CDKAL1: variants seen among roughly 807,000 people sequenced by gnomAD.
CDKAL1 encodes threonylcarbamoyladenosine tRNA methylthiotransferase.
CDKAL1 carries 32 observed loss-of-function variants against 68.2 expected under a neutral mutation model. The ratio of observed to expected loss-of-function variants is 0.47; its 90% confidence interval spans 0.35 to 0.63. The LOEUF (loss-of-function observed/expected upper bound fraction) is 0.63, where lower values mean the gene tolerates loss of function less well. CDKAL1 is among the 30% of genes least tolerant of loss of function. CDKAL1 has a pLI of 0.00. For missense variants in CDKAL1, 606 were observed against 696.7 expected (o/e 0.87, Z 1.47); for synonymous variants, 234 against 244.3 (o/e 0.96, Z 0.39).
chr6:21,150,449 G>A (rs990822571), intron 13 of CDKAL1, among the ~76,000 whole-genome samples: 1 of 152,118 alleles, frequency 6.6e-6, no homozygotes, highest in Admixed American at 6.5e-5. Context: ...GTGTAGTTAT[G>A]AAGTTTGTTG....
At chr6:20,588,639 T>C (rs1022164614) in intron 4 of CDKAL1, among the ~76,000 whole-genome samples, 1 of 152,214 alleles carries the variant, frequency 6.6e-6, no homozygotes, top group African/African-American at 2.4e-5. Flanking sequence ...CTTTTTCCTT[T>C]TTGCTTAGGT....
chr6:20,886,140 A>G (rs1276030684), intron 9 of CDKAL1, among the ~76,000 whole-genome samples: 3 of 152,220 alleles, frequency 2.0e-5, no homozygotes, highest in Non-Finnish European at 2.9e-5. Context: ...AAGCACATGA[A>G]AAGATGCTGA....
chr6:20,854,145 G>A (rs763572807), intron 9 of CDKAL1, among the ~76,000 whole-genome samples: 53 of 152,278 alleles, frequency 3.5e-4, no homozygotes, highest in Middle Eastern at 3.4e-3. Flanking sequence ...TAGCAAGTTG[G>A]ACTAATGAAA....
chr6:21,173,259 G>A (rs947909529), intron 13 of CDKAL1, among the ~76,000 whole-genome samples: 1 of 151,822 alleles, frequency 6.6e-6, no homozygotes. Flanking sequence ...GGATGTTGTT[G>A]GAGTTGTTCC....
chr6:21,000,184 A>C, intron 10 of CDKAL1, 43 bp from the exon 11 acceptor site: 1 of 1,549,698 alleles, frequency 6.5e-7, no homozygotes, highest in Non-Finnish European at 8.9e-7. Context: ...CCATTCCACA[A>C]TTTGTTAAAA....
chr6:20,741,137 G>T (rs545628425), intron 6 of CDKAL1, among the ~76,000 whole-genome samples: 34 of 152,134 alleles, frequency 2.2e-4, no homozygotes, highest in African/African-American at 7.9e-4. Flanking sequence ...AGGATGTACA[G>T]GAGATTCTCC....
At chr6:21,058,021 A>G (rs1207402822) in intron 11 of CDKAL1, among the ~76,000 whole-genome samples, 4 of 152,256 alleles carry the variant, frequency 2.6e-5, no homozygotes, top group Non-Finnish European at 4.4e-5. Context: ...GTAGATATCC[A>G]TCAGGTCCAG....
At chr6:21,204,823 T>A (rs1188296945) in intron 15 of CDKAL1, among the ~76,000 whole-genome samples, 2 of 152,244 alleles carry the variant, frequency 1.3e-5, no homozygotes, top group African/African-American at 4.8e-5. Flanking sequence ...AAATTTCCTG[T>A]CTTACTCATT....
At chr6:20,560,095 T>A (rs1764209752) in intron 4 of CDKAL1, among the ~76,000 whole-genome samples, 2 of 152,172 alleles carry the variant, frequency 1.3e-5, no homozygotes, top group Non-Finnish European at 2.9e-5. Flanking sequence ...ACATGATGTA[T>A]TTTTAGCTAT....
At chr6:20,842,720 A>G (rs1581684242) in intron 8 of CDKAL1, among the ~76,000 whole-genome samples, 1 of 152,100 alleles carries the variant, frequency 6.6e-6, no homozygotes, top group East Asian at 1.9e-4. Context: ...AGTCCCAGCT[A>G]CTCGGGAGCC....
At chr6:20,737,257 C>T (rs1462585061) in intron 5 of CDKAL1, among the ~76,000 whole-genome samples, 1 of 152,116 alleles carries the variant, frequency 6.6e-6, no homozygotes, top group African/African-American at 2.4e-5. Flanking sequence ...TTTTTGACTT[C>T]GTGGTATGTT....
At chr6:20,996,138 C>T (rs1347537251) in intron 10 of CDKAL1, among the ~76,000 whole-genome samples, 6 of 152,222 alleles carry the variant, frequency 3.9e-5, no homozygotes, top group East Asian at 1.9e-4. Context: ...GAGTTAGGGC[C>T]TTGCTCTGGA....
chr6:20,987,726 G>T (rs1032483279), intron 10 of CDKAL1, among the ~76,000 whole-genome samples: 22 of 152,094 alleles, frequency 1.4e-4, no homozygotes, highest in African/African-American at 4.8e-4. Context: ...GCTATGACAA[G>T]ATTGGGTTCT....
intron 8 of CDKAL1, chr6:20,799,662 T>G (rs537922938): frequency 6.6e-6 from 1 of 152,264 alleles, no homozygotes; most frequent in South Asian, 2.1e-4. Context: ...TCAGTAGTAT[T>G]GTATTGCTAC....
In CDKAL1 at chr6:21,102,402, G is replaced by A. The variant is rs147216989; in HGVS notation, c.1237-5999G>A. ...TAAACATCAGACCTGCCTTAGCGTCGTCCACATCCTTGGTAGTTAACACCT... is the reference window on the plus strand; with the variant it reads ...TAAACATCAGACCTGCCTTAGCGTCATCCACATCCTTGGTAGTTAACACCT... On this transcript the variant is annotated intron_variant, in intron 12 of 15. Coordinates refer to ENST00000274695, the MANE Select transcript of CDKAL1 (RefSeq NM_017774.3). Among the ~76,000 whole-genome samples the A allele has an allele frequency of 2.7e-3, 407 of 152,190 alleles. 2 individuals are homozygous for A. Among genetic ancestry groups the A allele is most frequent in the Non-Finnish European group, 4.0e-3 (273 of 68,024 alleles).
intron 5 of CDKAL1, among the ~76,000 whole-genome samples, chr6:20,714,676 T>C (rs1772008755): frequency 6.6e-6 from 1 of 152,166 alleles, no homozygotes; most frequent in Admixed American, 6.6e-5. Context: ...CTTTTTTCAC[T>C]GAAATGAAAA....
chr6:20,928,038 A>T (rs1220094513), intron 9 of CDKAL1, among the ~76,000 whole-genome samples: 1 of 152,180 alleles, frequency 6.6e-6, no homozygotes, highest in East Asian at 1.9e-4. Flanking sequence ...GAAAAATCTT[A>T]TGTAGCTTTA....
At chr6:21,102,071 A>G (rs554945288) in intron 12 of CDKAL1, among the ~76,000 whole-genome samples, 26 of 152,232 alleles carry the variant, frequency 1.7e-4, no homozygotes, top group African/African-American at 6.3e-4. Flanking sequence ...AAATTTGATC[A>G]TTCGTCACTG....
In CDKAL1 at chr6:20,955,551, T is replaced by C; in HGVS notation, c.875T>C (p.Met292Thr). Residue 292 changes from methionine to threonine, a missense_variant, in exon 10 of 16, where the codon ATG becomes ACG. Physicochemically the swap from Met to Thr is moderately conservative, Grantham distance 81 (BLOSUM62 -1). Transcript: ENST00000274695. ...IPEGAMLRLG[M>T]TNPPYILEHL... is the part of the protein sequence containing the mutation. ...GAGGGAGCAATGCTGAGGCTTGGCA[T>C]GACAAATCCGCCCTATATTTTAGAG... is the stretch of plus-strand genomic sequence containing the variant. 1 of 1,614,106 alleles carries C rather than the reference T, an allele frequency of 6.2e-7. No homozygotes were observed. The highest frequency in any genetic ancestry group is 8.5e-7 in the Non-Finnish European group (1 of 1,179,992).
Sources: gnomAD v4.1 joint callset for allele counts (sites outside exome capture counted in the v4.1 genomes callset) on GRCh38, gnomAD v4.1.1 for gene constraint, MANE v1.5 for transcripts, NCBI Gene and HGNC (gene_info 2026-07-23, HGNC 2026-07-21) for gene names.